LDLRAD4: variants seen among roughly 807,000 people sequenced by gnomAD.
The protein encoded by LDLRAD4 is low-density lipoprotein receptor class A domain-containing protein 4.
In LDLRAD4, 5 loss-of-function variants were observed where a neutral mutation model predicts 17.0. The observed-to-expected ratio is 0.29, with a 90% CI of 0.15 to 0.62. The LOEUF (loss-of-function observed/expected upper bound fraction) is 0.62. Among genes scored for constraint, LDLRAD4 ranks in the 20% least tolerant of loss-of-function variants. The pLI, the probability that LDLRAD4 is intolerant of heterozygous loss-of-function variation, is 0.84. For synonymous variants in LDLRAD4, 168 were observed against 171.8 expected, an observed-to-expected ratio of 0.98 and a Z score of 0.17; for missense variants, 340 against 424.7, an observed-to-expected ratio of 0.80 and a Z score of 1.75.
chr18:13,476,710 C>G (rs2092949555), intron 3 of LDLRAD4, among the ~76,000 whole-genome samples: 1 of 152,100 alleles, frequency 6.6e-6, no homozygotes. Context: ...TCCCTAGGCC[C>G]TCTCTGTCTC....
At chr18:13,299,967 C>T (rs547385649) in intron 1 of LDLRAD4, among the ~76,000 whole-genome samples, 1 of 152,328 alleles carries the variant, frequency 6.6e-6, no homozygotes, top group African/African-American at 2.4e-5. Context: ...TTTTTCCCCA[C>T]ACTGAAGGCA....
chr18:13,641,220 G>A (rs1368522700), intron 4 of LDLRAD4, among the ~76,000 whole-genome samples: 3 of 152,174 alleles, frequency 2.0e-5, no homozygotes, highest in Non-Finnish European at 4.4e-5. Context: ...AGGATCACTT[G>A]AGCCCAGGAG....
intron 1 of LDLRAD4, among the ~76,000 whole-genome samples, chr18:13,298,189 T>C (rs1387437847): frequency 1.3e-5 from 2 of 152,208 alleles, no homozygotes; most frequent in African/African-American, 4.8e-5. Context: ...TTAGAGACCT[T>C]GGAGATTCCT....
chr18:13,466,731 C>T (rs1170440035), intron 3 of LDLRAD4, among the ~76,000 whole-genome samples: 2 of 152,194 alleles, frequency 1.3e-5, no homozygotes, highest in Non-Finnish European at 1.5e-5. Flanking sequence ...GTTTATTTCT[C>T]ATTGTTCTGG....
intron 3 of LDLRAD4, among the ~76,000 whole-genome samples, chr18:13,442,538 C>T (rs1250563512): frequency 6.6e-6 from 1 of 152,168 alleles, no homozygotes; most frequent in Non-Finnish European, 1.5e-5. Flanking sequence ...GTGGGTTGGG[C>T]CTAGAGAGAC....
At chr18:13,616,734 C>T (rs1404894949) in intron 3 of LDLRAD4, among the ~76,000 whole-genome samples, 1 of 152,190 alleles carries the variant, frequency 6.6e-6, no homozygotes, top group East Asian at 1.9e-4. Flanking sequence ...GAAGAGCTGC[C>T]TCCTGTGCCC....
At chr18:13,225,893 C>G (rs2041756467) in intron 1 of LDLRAD4, among the ~76,000 whole-genome samples, 1 of 152,024 alleles carries the variant, frequency 6.6e-6, no homozygotes, top group South Asian at 2.1e-4. Context: ...ATATTCTATT[C>G]TATGGTTATA....
At chr18:13,555,463 G>A (rs1037727110) in intron 3 of LDLRAD4, among the ~76,000 whole-genome samples, 1 of 152,150 alleles carries the variant, frequency 6.6e-6, no homozygotes, top group South Asian at 2.1e-4. Context: ...AAATGATTCA[G>A]CTGGTTTACT....
At chr18:13,356,129 C>T (rs766243462) in intron 1 of LDLRAD4, among the ~76,000 whole-genome samples, 2 of 152,220 alleles carry the variant, frequency 1.3e-5, no homozygotes, top group Non-Finnish European at 2.9e-5. Flanking sequence ...GCATGAATTG[C>T]TCTATTGATT....
intron 3 of LDLRAD4, among the ~76,000 whole-genome samples, chr18:13,501,446 G>A (rs2093612618): frequency 6.6e-6 from 1 of 152,186 alleles, no homozygotes; most frequent in South Asian, 2.1e-4. Flanking sequence ...CCTGCCGACG[G>A]CTGCATGGCC....
At chr18:13,290,088 AC>A (rs1277844442) in intron 1 of LDLRAD4, among the ~76,000 whole-genome samples, 1 of 152,220 alleles carries the variant, frequency 6.6e-6, no homozygotes, top group Non-Finnish European at 1.5e-5. Flanking sequence ...CCATCTGAGC[AC>A]AGCTGGAGGA....
intron 2 of LDLRAD4, among the ~76,000 whole-genome samples, chr18:13,405,599 T>TA (rs1278917767): frequency 1.4e-5 from 2 of 147,160 alleles, no homozygotes; most frequent in East Asian, 4.1e-4. Flanking sequence ...CCTGGCTAAT[T>TA]AAATTTTTTT....
intron 2 of LDLRAD4, among the ~76,000 whole-genome samples, chr18:13,426,464 G>A (rs999363850): frequency 2.6e-5 from 4 of 152,174 alleles, no homozygotes; most frequent in Admixed American, 2.6e-4. Context: ...AACTTTCAGG[G>A]CAGGTGAGAG....
At chr18:13,642,833 C>A in intron 4 of LDLRAD4, 1 of 874,838 alleles carries the variant, frequency 1.1e-6, no homozygotes, top group South Asian at 5.9e-5. Flanking sequence ...TCCTTTTGTT[C>A]ACAGCCCTCC....
At chr18:13,503,607 A>G (rs2093646590) in intron 3 of LDLRAD4, among the ~76,000 whole-genome samples, 1 of 152,180 alleles carries the variant, frequency 6.6e-6, no homozygotes, top group Non-Finnish European at 1.5e-5. Flanking sequence ...AAGCAGCCCC[A>G]TGTGAGATGA....
chr18:13,450,335 C>CG (rs796931027), intron 3 of LDLRAD4, among the ~76,000 whole-genome samples: 5 of 125,756 alleles, frequency 4.0e-5, no homozygotes, highest in African/African-American at 1.5e-4. Context: ...CACCCCCCCC[C>CG]CCAAAAAAAC....
chr18:13,450,296 G>A (rs966644165), intron 3 of LDLRAD4, among the ~76,000 whole-genome samples: 1 of 149,926 alleles, frequency 6.7e-6, no homozygotes, highest in African/African-American at 2.5e-5. Flanking sequence ...GACAGGACCT[G>A]GGGCCAGTGC....
At chr18:13,416,089 G>A (rs934733618) in intron 2 of LDLRAD4, among the ~76,000 whole-genome samples, 1 of 152,202 alleles carries the variant, frequency 6.6e-6, no homozygotes, top group Non-Finnish European at 1.5e-5. Flanking sequence ...TCGGGCTGGC[G>A]GGGACACTGG....
At chr18:13,618,681 C>G (rs2040307216) in intron 3 of LDLRAD4, among the ~76,000 whole-genome samples, 1 of 152,124 alleles carries the variant, frequency 6.6e-6, no homozygotes, top group African/African-American at 2.4e-5. Context: ...TTTGGAAATC[C>G]TAGGGCATGC....
Sources: gnomAD v4.1 joint callset for allele counts (sites outside exome capture counted in the v4.1 genomes callset) on GRCh38, gnomAD v4.1.1 for gene constraint, MANE v1.5 for transcripts, NCBI Gene and HGNC (gene_info 2026-07-23, HGNC 2026-07-21) for gene names.